SRSF12: variants seen among roughly 807,000 people sequenced by gnomAD.
SRSF12 encodes serine and arginine rich splicing factor 12.
A neutral mutation model predicts 34.1 loss-of-function variants in SRSF12; 21 were observed. The observed-to-expected ratio is 0.62, with a 90% CI of 0.44 to 0.89. The LOEUF is 0.89. Among genes scored for constraint, SRSF12 ranks in the 40% least tolerant of loss-of-function variants. SRSF12 has a pLI of 0.00. For missense variants in SRSF12, 278 were observed against 327.8 expected (o/e 0.85, Z 1.17); for synonymous variants, 111 against 110.8 (o/e 1.00, Z -0.01).
In SRSF12 at chr6:89,098,777, T is replaced by A; in HGVS notation, c.587A>T (p.Gln196Leu). Residue 196 changes from glutamine to leucine, a missense_variant, in exon 5 of 5, where the codon CAG (glutamine) becomes CTG (leucine). Gln to Leu is a moderately radical substitution (Grantham distance 113). Coordinates refer to ENST00000452027, the MANE Select transcript of SRSF12 (RefSeq NM_080743.5). ...AGTCTGCTTTTGAGGTGAACTTGACTGTGATTTTCCTATTGACTTGGACCT... is the reference window on the plus strand; with the variant it reads ...AGTCTGCTTTTGAGGTGAACTTGACAGTGATTTTCCTATTGACTTGGACCT... ...QKRSKSIGKS[Q>L]SSSPQKQTSS... 1 of 1,614,008 alleles carries A rather than the reference T, an allele frequency of 6.2e-7. No individual in the cohort carries two copies. The highest frequency in any genetic ancestry group is 8.5e-7 in the Non-Finnish European group (1 of 1,179,892).
In SRSF12 at chr6:89,103,991, C is replaced by CTTT. The variant is rs55760020; in HGVS notation, c.416+1125_416+1127dup. ...TTTCACAAGGGATTTTATTATATTT[C>CTTT]TTTTTTTTTTTTTTTTTTTTTTTTT... On this transcript the variant is annotated intron_variant, in intron 4 of 4. Transcript: ENST00000452027. Among the ~76,000 whole-genome samples the CTTT allele has an allele frequency of 3.8e-4, 31 of 81,964 alleles. 3 individuals carry two copies. The highest frequency in any genetic ancestry group is 9.3e-4 in the African/African-American group (20 of 21,404). The allele number at this position is 81,964 out of a possible 152,430, so 53.8% of individuals were successfully genotyped here.
Position 89,098,067 on chromosome 6 carries a change from T to A in SRSF12, c.*511A>T, listed in dbSNP as rs1337740456. 6.5e-6 allele frequency: 1 copy of A among 152,836 alleles called. No homozygotes were observed. Among genetic ancestry groups the A allele is most frequent in the African/African-American group, 2.4e-5 (1 of 41,440 alleles). The allele number at this position is 152,836 out of a possible 1,614,324, so 9.5% of individuals were successfully genotyped here. The stretch of plus-strand genomic sequence containing the variant: ...GTTTGATCTCTATATATATTCTACT[T>A]TTTGGAACATCAGAATTTTGTAATA... On this transcript the variant is annotated 3_prime_UTR_variant, in exon 5 of 5. Coordinates refer to ENST00000452027, the MANE Select transcript of SRSF12 (RefSeq NM_080743.5).
At chr6:89,117,685 C>T (rs973319078) in intron 1 of SRSF12, 138 bp downstream of exon 1, 4 of 820,964 alleles carry the variant, frequency 4.9e-6, no homozygotes, top group Non-Finnish European at 6.9e-6. Context: ...TCACACCTCC[C>T]CAAGTGGCGC....
chr6:89,103,991 C>CTTTTTTT lies in SRSF12; in HGVS notation c.416+1121_416+1127dup, dbSNP rs55760020. ...TTTCACAAGGGATTTTATTATATTT[C>CTTTTTTT]TTTTTTTTTTTTTTTTTTTTTTTTT... is the stretch of plus-strand genomic sequence containing the variant. On this transcript the variant is annotated intron_variant, in intron 4 of 4. Transcript: ENST00000452027. 1.2e-4 allele frequency among the ~76,000 whole-genome samples: 10 copies of CTTTTTTT among 81,964 alleles called. 1 individual carries two copies. The highest frequency in any genetic ancestry group is 0.01 in the Middle Eastern group (1 of 96). The allele number at this position is 81,964 out of a possible 152,430, so 53.8% of individuals were successfully genotyped here. A position where few individuals can be genotyped will look rare whatever the true frequency, so the allele number is the denominator to read the frequency against.
intron 3 of SRSF12, 82 bp downstream of exon 3, chr6:89,105,344 GA>G (rs2127992594): frequency 6.4e-7 from 1 of 1,559,184 alleles, no homozygotes; most frequent in African/African-American, 1.4e-5. Flanking sequence ...ATCATTTACT[GA>G]AAGAATTTTA....
At chr6:89,103,085 G>A (rs1768611859) in intron 4 of SRSF12, among the ~76,000 whole-genome samples, 1 of 152,074 alleles carries the variant, frequency 6.6e-6, no homozygotes, top group South Asian at 2.1e-4. Flanking sequence ...TTTAAAATGA[G>A]AAAAACTGGT....
intron 1 of SRSF12, among the ~76,000 whole-genome samples, chr6:89,115,302 GAC>G (rs2127997692): frequency 6.6e-6 from 1 of 151,852 alleles, no homozygotes; most frequent in South Asian, 2.1e-4. Flanking sequence ...TATTTTTTGA[GAC>G]AGAGTCTCAC....
At chr6:89,105,396 T>A (rs1562199301) in intron 3 of SRSF12, 31 bp downstream of exon 3, 3 of 1,575,094 alleles carry the variant, frequency 1.9e-6, no homozygotes, top group Non-Finnish European at 2.6e-6. Flanking sequence ...TTCTGCTGAA[T>A]AAATAAAATC....
In SRSF12 at chr6:89,117,996, C is replaced by A; in HGVS notation, c.-109G>T. 8.1e-7 allele frequency: 1 copy of A among 1,231,840 alleles called. No homozygotes were observed. Among genetic ancestry groups the A allele is most frequent in the Non-Finnish European group, 1.1e-6 (1 of 900,894 alleles). 76.3% of individuals were successfully genotyped at this position (1,231,840 alleles called of 1,614,324 possible). On this transcript the variant is annotated 5_prime_UTR_variant, in exon 1 of 5. Coordinates refer to ENST00000452027, the MANE Select transcript of SRSF12 (RefSeq NM_080743.5). Reference sequence around the variant, plus strand: ...GCTCCGCCGGCCCCCGGCGCGACCCCCACCCCTCGGCCTCAGCCCCGCCAG... The same window carrying A: ...GCTCCGCCGGCCCCCGGCGCGACCCACACCCCTCGGCCTCAGCCCCGCCAG...
At chr6:89,102,246 C>A (rs111939978) in intron 4 of SRSF12, among the ~76,000 whole-genome samples, 1 of 151,854 alleles carries the variant, frequency 6.6e-6, no homozygotes, top group Non-Finnish European at 1.5e-5. Context: ...CGGGTTCAAG[C>A]GATTCTCCTG....
At chr6:89,110,417 A>T (rs1768989555) in intron 1 of SRSF12, among the ~76,000 whole-genome samples, 1 of 152,168 alleles carries the variant, frequency 6.6e-6, no homozygotes, top group Non-Finnish European at 1.5e-5. Context: ...ACCCTATGTA[A>T]ATGAAGACTT....
chr6:89,111,253 C>A (rs558637251), intron 1 of SRSF12, among the ~76,000 whole-genome samples: 2 of 152,144 alleles, frequency 1.3e-5, no homozygotes. Context: ...GGATTACAGG[C>A]ATGTGCCAGC....
intron 1 of SRSF12, among the ~76,000 whole-genome samples, chr6:89,115,632 T>TA (rs935123156): frequency 8.8e-6 from 1 of 114,000 alleles, no homozygotes; most frequent in Non-Finnish European, 1.7e-5. Flanking sequence ...TTTTTCTTTC[T>TA]TTTTTTTTTT....
chr6:89,099,089 G>T (rs746559913), intron 4 of SRSF12, 142 bp from the exon 5 acceptor site: 2 of 1,087,752 alleles, frequency 1.8e-6, no homozygotes, highest in Non-Finnish European at 2.5e-6. Context: ...ATTTTATTAT[G>T]CATGCTTTTG....
intron 1 of SRSF12, among the ~76,000 whole-genome samples, chr6:89,113,593 G>A (rs1242882964): frequency 6.6e-6 from 1 of 152,160 alleles, no homozygotes; most frequent in Non-Finnish European, 1.5e-5. Context: ...ATAGATGTGA[G>A]CCACCGTGCC....
rs1768352128 is a variant in SRSF12, at chr6:89,098,352, T to C, written c.*226A>G. 1 of 405,492 alleles carries C rather than the reference T, an allele frequency of 2.5e-6. No homozygotes were observed. Among genetic ancestry groups the C allele is most frequent in the South Asian group, 5.1e-5 (1 of 19,756 alleles). 25.1% of individuals were successfully genotyped at this position (405,492 alleles called of 1,614,324 possible). A position where few individuals can be genotyped will look rare whatever the true frequency, so the allele number is the denominator to read the frequency against. The stretch of plus-strand genomic sequence containing the variant: ...CTTCTGCCACAATGTAAATAAAAAA[T>C]GGTCCATAAAATGGTGACATTAGAC... On this transcript the variant is annotated 3_prime_UTR_variant, in exon 5 of 5. Transcript: ENST00000452027.
chr6:89,106,398 C>A (rs1768788501), intron 2 of SRSF12, among the ~76,000 whole-genome samples: 1 of 152,174 alleles, frequency 6.6e-6, no homozygotes, highest in Non-Finnish European at 1.5e-5. Flanking sequence ...CAGGCATGAG[C>A]CACCGCACCC....
At chr6:89,103,572 G>A (rs1025729510) in intron 4 of SRSF12, among the ~76,000 whole-genome samples, 1 of 151,766 alleles carries the variant, frequency 6.6e-6, no homozygotes, top group Non-Finnish European at 1.5e-5. Flanking sequence ...CAGGTGATCC[G>A]CCCCCGCCCT....
At position 89,105,462 on chromosome 6, in the gene SRSF12, T is replaced by G. The variant is rs752000227; in HGVS notation, c.239A>C (p.Gln80Pro). 6.2e-7 allele frequency: 1 copy of G among 1,611,058 alleles called. No individual in the cohort carries two copies. The highest frequency in any genetic ancestry group is 8.5e-7 in the Non-Finnish European group (1 of 1,179,114). Reference sequence around the variant, plus strand: ...ACCTTGTGCAAACTGTATTTCAATCTGACGGCCACATACCCACTTTCTATT... The same window carrying G: ...ACCTTGTGCAAACTGTATTTCAATCGGACGGCCACATACCCACTTTCTATT... ...NLNRKWVCGR[Q>P]IEIQFAQGDR... The change falls in exon 3 of 5, where the codon CAG becomes CCG. Residue 80 changes from glutamine (Q) to proline (P), a missense_variant. Gln to Pro is a moderately conservative substitution (Grantham distance 76, BLOSUM62 -1). Transcript: ENST00000452027.
Sources: allele counts gnomAD v4.1 joint callset (sites outside exome capture counted in the v4.1 genomes callset), GRCh38; gene constraint gnomAD v4.1.1; transcripts MANE v1.5; gene names NCBI Gene and HGNC (gene_info 2026-07-23, HGNC 2026-07-21).